The following STX2 variants were observed in gnomAD, a reference collection of about 807,000 sequenced individuals.
STX2 encodes syntaxin-2.
A neutral mutation model predicts 40.6 loss-of-function variants in STX2; 27 were observed. The observed-to-expected ratio is 0.66, with a 90% confidence interval of 0.49 to 0.92. The LOEUF (loss-of-function observed/expected upper bound fraction) is 0.92, where lower values mean the gene tolerates loss of function less well. Among genes scored for constraint, STX2 ranks in the 40% least tolerant of loss-of-function variants. The pLI is 0.00. For synonymous variants in STX2, 123 were observed against 119.1 expected (o/e 1.03, Z -0.22); for missense variants, 328 against 366.1 (o/e 0.90, Z 0.85).
At chr12:130,814,059 C>G (rs1425124720) in intron 3 of STX2, among the ~76,000 whole-genome samples, 1 of 152,222 alleles carries the variant, frequency 6.6e-6, no homozygotes, top group African/African-American at 2.4e-5. Context: ...TGCACACAAG[C>G]GTGTGCTAAG....
At chr12:130,803,709 C>CATGTCTCA (rs1289990496) in intron 6 of STX2, among the ~76,000 whole-genome samples, 6 of 148,028 alleles carry the variant, frequency 4.1e-5, no homozygotes, top group Admixed American at 1.3e-4. Flanking sequence ...AGTTACAGTT[C>CATGTCTCA]ATGTCTCACG....
intron 5 of STX2, among the ~76,000 whole-genome samples, chr12:130,808,091 G>A (rs571390983): frequency 6.6e-6 from 1 of 152,278 alleles, no homozygotes; most frequent in African/African-American, 2.4e-5. Context: ...ACAAAGACAA[G>A]ACTAGAAGTC....
Sources: allele counts gnomAD v4.1 joint callset (sites outside exome capture counted in the v4.1 genomes callset), GRCh38; gene constraint gnomAD v4.1.1; transcripts MANE v1.5; gene names NCBI Gene and HGNC (gene_info 2026-07-23, HGNC 2026-07-21).